The following MRPS5 variants were observed in gnomAD, a reference collection of about 807,000 sequenced individuals.
The protein encoded by MRPS5 is small ribosomal subunit protein uS5m.
A neutral mutation model predicts 51.9 loss-of-function variants in MRPS5; 27 were observed. The observed-to-expected ratio is 0.52, with a 90% CI of 0.38 to 0.72. MRPS5 has a LOEUF of 0.72. Ranked by LOEUF, MRPS5 falls within the 30% of genes least tolerant of loss-of-function variation. The probability of loss-of-function intolerance (pLI) is 0.00; values close to 1 mark genes in which losing one functional copy is unlikely to be tolerated. For synonymous variants in MRPS5, 196 were observed against 193.2 expected, an observed-to-expected ratio of 1.01 and a Z score of -0.12; for missense variants, 570 against 545.7, an observed-to-expected ratio of 1.04 and a Z score of -0.44.
At chr2:95,087,865 A>G (rs1675343813) in intron 11 of MRPS5, among the ~76,000 whole-genome samples, 1 of 152,156 alleles carries the variant, frequency 6.6e-6, no homozygotes, top group Admixed American at 6.6e-5. Context: ...ATGCTGTGCC[A>G]AACACTGAAC....
At chr2:95,118,221 C>T (rs1344681743) in intron 1 of MRPS5, among the ~76,000 whole-genome samples, 1 of 152,204 alleles carries the variant, frequency 6.6e-6, no homozygotes, top group African/African-American at 2.4e-5. Context: ...CCCTTCTTTG[C>T]TCAAGCCTCA....
intron 11 of MRPS5, among the ~76,000 whole-genome samples, chr2:95,089,801 G>C (rs1174744578): frequency 1.3e-5 from 2 of 152,162 alleles, no homozygotes; most frequent in Non-Finnish European, 2.9e-5. Context: ...GAACAAGCAG[G>C]TGTTATTTTC....
chr2:95,098,921 A>ATTT (rs772096630), intron 10 of MRPS5, among the ~76,000 whole-genome samples: 1 of 141,106 alleles, frequency 7.1e-6, no homozygotes, highest in African/African-American at 2.6e-5. Flanking sequence ...TATTATTATT[A>ATTT]TTTTTTTTTT....
At position 95,099,647 on chromosome 2, in the gene MRPS5, C is replaced by A. The variant is rs1485450144; in HGVS notation, c.931+827G>T. 2.6e-5 allele frequency among the ~76,000 whole-genome samples: 4 copies of A among 152,232 alleles called. No homozygotes were observed. The East Asian group carries it at 7.7e-4, about 29-fold the overall frequency. On this transcript the variant is annotated intron_variant, in intron 10 of 11. Transcript: ENST00000272418. Reference sequence around the variant, plus strand: ...TCTAAACCTTGAAGTCCACTCAACACCTTTTCTAAAGACAAAACACATGGT... The same window carrying A: ...TCTAAACCTTGAAGTCCACTCAACAACTTTTCTAAAGACAAAACACATGGT...
intron 5 of MRPS5, 66 bp downstream of exon 5, chr2:95,108,109 T>C: frequency 7.0e-7 from 1 of 1,420,424 alleles, no homozygotes; most frequent in Non-Finnish European, 9.9e-7. Flanking sequence ...ATAACACCAT[T>C]TCAAGGAAAT....
Position 95,087,569 on chromosome 2 carries a change from G to GT in MRPS5, c.1080dup (p.Gln361ThrfsTer4). ...TGGAGGCCCTTCTTATCAGCCAGCT[G>GT]TTGATGGGTTTCCTAAGCAAGACCA... On this transcript the variant is annotated frameshift_variant, in exon 12 of 12. Coordinates refer to ENST00000272418, the MANE Select transcript of MRPS5 (RefSeq NM_031902.5). LOFTEE classifies it high-confidence loss of function. The GT allele has an allele frequency of 1.9e-6, 3 of 1,613,216 alleles. No homozygotes were observed. The highest frequency in any genetic ancestry group is 2.5e-6 in the Non-Finnish European group (3 of 1,179,554).
At chr2:95,121,227 TAA>T (rs1253253844) in intron 1 of MRPS5, among the ~76,000 whole-genome samples, 1 of 152,254 alleles carries the variant, frequency 6.6e-6, no homozygotes, top group Non-Finnish European at 1.5e-5. Flanking sequence ...AGATTGCAGC[TAA>T]ATGAGTTTTA....
Position 95,087,416 on chromosome 2 carries a change from T to A in MRPS5, c.1234A>T (p.Lys412Ter). The change falls in exon 12 of 12, where the codon AAG becomes TAG. Residue 412 changes from lysine to a stop codon, truncating the protein, a stop_gained. Coordinates refer to ENST00000272418, the MANE Select transcript of MRPS5 (RefSeq NM_031902.5). LOFTEE classifies it high-confidence loss of function. ...GAGCGCTTCATTCCCTGTGCAGTCTTCACATCTTCCCAGTCCAGTTTGACG... is the reference window on the plus strand; with the variant it reads ...GAGCGCTTCATTCCCTGTGCAGTCTACACATCTTCCCAGTCCAGTTTGACG... ...PDVKLDWEDV[K>*]TAQGMKRSVW... The A allele has an allele frequency of 6.2e-7, 1 of 1,614,172 alleles. No individual in the cohort carries two copies. Among genetic ancestry groups the A allele is most frequent in the Non-Finnish European group, 8.5e-7 (1 of 1,180,030 alleles).
Position 95,085,695 on chromosome 2 carries a change from C to T in MRPS5, c.*1662G>A, listed in dbSNP as rs2104385924. Among the ~76,000 whole-genome samples the T allele has an allele frequency of 6.6e-6, 1 of 152,264 alleles. No homozygotes were observed. Among genetic ancestry groups the T allele is most frequent in the South Asian group, 2.1e-4 (1 of 4,824 alleles). ...GAGGAAACCTGGATCTCCATCCTCACCAGGCAGTAACGAGGCAGTGCCCCA... is the reference window on the plus strand; with the variant it reads ...GAGGAAACCTGGATCTCCATCCTCATCAGGCAGTAACGAGGCAGTGCCCCA... On this transcript the variant is annotated 3_prime_UTR_variant, in exon 12 of 12. Transcript: ENST00000272418.
rs762235819 is a variant in MRPS5 at position 95,117,919 on chromosome 2, G to T, written c.85C>A (p.Leu29Ile). 1 of 1,606,080 alleles carries T rather than the reference G, an allele frequency of 6.2e-7. No individual in the cohort carries two copies. The highest frequency in any genetic ancestry group is 1.3e-5 in the African/African-American group (1 of 74,206). ...ATGGAAGCTGCTGGTAAGGTGTTTA[G>T]GGAACACTGCCTCCCCAATAAATGA... Reference protein sequence around the residue: ...AGHLLGRQCSLNTLPAASILA... With the variant: ...AGHLLGRQCSINTLPAASILA... The change falls in exon 2 of 12, where the codon CTA (leucine) becomes ATA (isoleucine). Residue 29 changes from leucine (L) to isoleucine (I), a missense_variant. Transcript: ENST00000272418.
chr2:95,114,991 AAAG>A (rs1676242953), intron 3 of MRPS5, 72 bp downstream of exon 3: 1 of 1,338,128 alleles, frequency 7.5e-7, no homozygotes, highest in South Asian at 1.8e-5. Context: ...TTCATGTAAA[AAAG>A]AAGAAAAATT....
chr2:95,090,345 A>G (rs1553420251), intron 11 of MRPS5, 41 bp downstream of exon 11: 6 of 1,606,600 alleles, frequency 3.7e-6, no homozygotes, highest in Middle Eastern at 2.2e-4. Context: ...CAACTGAAAT[A>G]CAAACTAGAA....
intron 3 of MRPS5, among the ~76,000 whole-genome samples, chr2:95,114,506 T>C (rs908469026): frequency 6.6e-6 from 1 of 152,054 alleles, no homozygotes; most frequent in Non-Finnish European, 1.5e-5. Context: ...CTCCTGACCT[T>C]GTGATCGACC....
In MRPS5 at chr2:95,104,671, C is replaced by G; in HGVS notation, c.732G>C (p.Leu244Phe). The G allele has an allele frequency of 1.2e-6, 2 of 1,614,208 alleles. No individual in the cohort carries two copies. Among genetic ancestry groups the G allele is most frequent in the Non-Finnish European group, 1.7e-6 (2 of 1,180,036 alleles). ...KEGRKKSIRV[L>F]VAVGNGKGAA... ...CTCCTTTTCCGTTCCCCACAGCCACCAAGACACGGATCGATTTCTTTCTTC... is the reference window on the plus strand; with the variant it reads ...CTCCTTTTCCGTTCCCCACAGCCACGAAGACACGGATCGATTTCTTTCTTC... The change falls in exon 7 of 12, where the codon TTG becomes TTC. Residue 244 changes from leucine to phenylalanine, a missense_variant. Physicochemically the swap from Leu to Phe is conservative, Grantham distance 22. Transcript: ENST00000272418.
intron 3 of MRPS5, among the ~76,000 whole-genome samples, chr2:95,112,755 A>T (rs1339585997): frequency 2.6e-5 from 4 of 152,226 alleles, no homozygotes; most frequent in Non-Finnish European, 5.9e-5. Context: ...CTGTAATCCC[A>T]GCACTTTGGG....
chr2:95,090,055 T>C (rs1675413948), intron 11 of MRPS5, among the ~76,000 whole-genome samples: 1 of 149,924 alleles, frequency 6.7e-6, no homozygotes, highest in African/African-American at 2.4e-5. Flanking sequence ...CGGGCGCCTG[T>C]AGTCCCAGCT....
At chr2:95,116,671 T>A (rs1676292947) in intron 2 of MRPS5, among the ~76,000 whole-genome samples, 2 of 152,228 alleles carry the variant, frequency 1.3e-5, no homozygotes, top group Non-Finnish European at 2.9e-5. Context: ...CCCATCTCAG[T>A]TAACAATTGC....
At chr2:95,087,849 T>C (rs147777442) in intron 11 of MRPS5, among the ~76,000 whole-genome samples, 3 of 152,298 alleles carry the variant, frequency 2.0e-5, no homozygotes, top group Admixed American at 1.3e-4. Flanking sequence ...CTCCTGATTA[T>C]GCACCATGCT....
intron 6 of MRPS5, 34 bp from the exon 7 acceptor site, chr2:95,104,764 T>C (rs1187467939): frequency 1.2e-6 from 2 of 1,603,766 alleles, no homozygotes; most frequent in Admixed American, 1.7e-5. Context: ...ATATTGCACA[T>C]TAAGAAAATC....
Sources: allele counts gnomAD v4.1 joint callset (sites outside exome capture counted in the v4.1 genomes callset), GRCh38; gene constraint gnomAD v4.1.1; transcripts MANE v1.5; gene names NCBI Gene and HGNC (gene_info 2026-07-23, HGNC 2026-07-21).